TBC1D8: variants seen among roughly 807,000 people sequenced by gnomAD.
TBC1D8 encodes BUB2-like protein 1.
In TBC1D8, 65 loss-of-function variants were observed where a neutral mutation model predicts 118.8. The observed-to-expected ratio is 0.55, with a 90% CI of 0.45 to 0.67. The LOEUF is 0.67. TBC1D8 is among the 30% of genes least tolerant of loss of function. The pLI is 0.00. For missense variants in TBC1D8, 1,376 were observed against 1,471.2 expected, an observed-to-expected ratio of 0.94 and a Z score of 1.06; for synonymous variants, 566 against 595.8, an observed-to-expected ratio of 0.95 and a Z score of 0.73.
At chr2:101,080,099 A>C (rs1024711621) in intron 2 of TBC1D8, among the ~76,000 whole-genome samples, 2 of 152,192 alleles carry the variant, frequency 1.3e-5, no homozygotes, top group African/African-American at 2.4e-5. Flanking sequence ...TATAAACAAC[A>C]ACCCTAAGGG....
Position 101,011,025 on chromosome 2 carries a change from A to G in TBC1D8, c.2919T>C (p.Gly973=), listed in dbSNP as rs780275830. 1.5e-5 allele frequency: 24 copies of G among 1,610,860 alleles called. No homozygotes were observed. Among genetic ancestry groups the G allele is most frequent in the African/African-American group, 2.7e-5 (2 of 74,832 alleles). Residue 973 remains glycine (G), a splice_region_variant and synonymous_variant, in exon 19 of 20, where the codon GGT becomes GGC. Coordinates refer to ENST00000409318, the MANE Select transcript of TBC1D8 (RefSeq NM_001330348.2). The stretch of plus-strand genomic sequence containing the variant: ...GCTGTTTCTGATAATCAACTGCATC[A>G]CCTTGAAACAAAGGAAAACAATATG... The part of the protein sequence containing the change: ...SRPLVFGKPN[G]DAVDYQKQLK...
intron 1 of TBC1D8, among the ~76,000 whole-genome samples, chr2:101,149,920 C>T (rs1679479863): frequency 1.3e-5 from 2 of 152,162 alleles, no homozygotes; most frequent in South Asian, 2.1e-4. Context: ...ACCAAAGCAC[C>T]GCCTCCGTCC....
At chr2:101,118,826 G>T (rs1480125769) in intron 1 of TBC1D8, among the ~76,000 whole-genome samples, 1 of 152,054 alleles carries the variant, frequency 6.6e-6, no homozygotes, top group Non-Finnish European at 1.5e-5. Flanking sequence ...CGGGCAACAT[G>T]TTGAAACCCC....
At chr2:101,127,230 G>A (rs1429078175) in intron 1 of TBC1D8, among the ~76,000 whole-genome samples, 5 of 152,018 alleles carry the variant, frequency 3.3e-5, no homozygotes, top group Non-Finnish European at 7.4e-5. Context: ...CAGCTACTTG[G>A]GAGGCTGAGG....
chr2:101,122,934 C>T (rs1055506512), intron 1 of TBC1D8, among the ~76,000 whole-genome samples: 1 of 111,102 alleles, frequency 9.0e-6, no homozygotes, highest in Non-Finnish European at 2.2e-5. Context: ...TGGAGAAAAA[C>T]ATCAGGCCCC....
intron 11 of TBC1D8, 32 bp downstream of exon 11, chr2:101,032,236 G>C: frequency 6.3e-7 from 1 of 1,589,424 alleles, no homozygotes; most frequent in African/African-American, 1.3e-5. Context: ...CTCTTCCCCA[G>C]ATACACAGGA....
At chr2:101,046,425 G>C (rs998026025) in intron 5 of TBC1D8, among the ~76,000 whole-genome samples, 1 of 152,220 alleles carries the variant, frequency 6.6e-6, no homozygotes, top group Non-Finnish European at 1.5e-5. Flanking sequence ...CTGTCCTAGA[G>C]AGAACCACCT....
At chr2:101,013,366 T>C (rs1205886502) in intron 17 of TBC1D8, among the ~76,000 whole-genome samples, 1 of 152,260 alleles carries the variant, frequency 6.6e-6, no homozygotes. Flanking sequence ...TCAATCTTTT[T>C]ACATGAGATA....
At chr2:101,117,022 C>T (rs761054264) in intron 1 of TBC1D8, among the ~76,000 whole-genome samples, 3 of 152,192 alleles carry the variant, frequency 2.0e-5, no homozygotes, top group African/African-American at 2.4e-5. Flanking sequence ...GGTGTCATCA[C>T]GAGCAGACGG....
chr2:101,026,830 T>C (rs1284909736), intron 15 of TBC1D8, among the ~76,000 whole-genome samples: 2 of 152,218 alleles, frequency 1.3e-5, no homozygotes, highest in Non-Finnish European at 2.9e-5. Flanking sequence ...TCTCATTAAC[T>C]ATATTAAGTT....
intron 17 of TBC1D8, chr2:101,017,710 C>T: frequency 2.6e-6 from 2 of 781,668 alleles, no homozygotes; most frequent in Non-Finnish European, 4.1e-6. Context: ...TAACAGATAT[C>T]CATGGTACAT....
rs538420407 is a variant in TBC1D8 at position 101,012,724 on chromosome 2, G to A, written c.2828-1184C>T. 4.6e-5 allele frequency among the ~76,000 whole-genome samples: 7 copies of A among 152,166 alleles called. No individual in the cohort carries two copies. In the South Asian group the frequency reaches 8.3e-4, roughly 18 times the overall value. On this transcript the variant is annotated intron_variant, in intron 17 of 19. Coordinates refer to ENST00000409318, the MANE Select transcript of TBC1D8 (RefSeq NM_001330348.2). ...AAGCTGCTACAAAATAACAATTATC[G>A]GGGATGACAGGGAAGGTTCCCCATA... is the stretch of plus-strand genomic sequence containing the variant.
intron 5 of TBC1D8, among the ~76,000 whole-genome samples, chr2:101,044,043 T>A (rs1681548478): frequency 6.6e-6 from 1 of 152,228 alleles, no homozygotes; most frequent in Non-Finnish European, 1.5e-5. Context: ...AATCGGCTTC[T>A]CTCTCAGTGG....
chr2:101,144,930 T>A (rs1679259413), intron 1 of TBC1D8, among the ~76,000 whole-genome samples: 1 of 152,120 alleles, frequency 6.6e-6, no homozygotes, highest in Admixed American at 6.5e-5. Flanking sequence ...AGAGCGAGAC[T>A]CTGTCTCCAA....
intron 1 of TBC1D8, among the ~76,000 whole-genome samples, chr2:101,122,943 C>T (rs1678194602): frequency 6.6e-6 from 1 of 152,054 alleles, no homozygotes; most frequent in Non-Finnish European, 1.5e-5. Flanking sequence ...ACATCAGGCC[C>T]CGCATGTGGT....
chr2:101,047,609 T>C (rs1227375707), intron 5 of TBC1D8, among the ~76,000 whole-genome samples: 1 of 152,178 alleles, frequency 6.6e-6, no homozygotes, highest in Non-Finnish European at 1.5e-5. Context: ...GGTACATACA[T>C]GCCTTTCACT....
At chr2:101,129,759 G>T (rs747109341) in intron 1 of TBC1D8, among the ~76,000 whole-genome samples, 1 of 151,952 alleles carries the variant, frequency 6.6e-6, no homozygotes, top group Non-Finnish European at 1.5e-5. Context: ...CAAACAATTA[G>T]CTGGGCGTGG....
Position 101,050,275 on chromosome 2 carries a change from T to A in TBC1D8, c.872+126A>T, listed in dbSNP as rs115468080. 6,029 of 1,399,572 alleles carry A rather than the reference T, an allele frequency of 4.3e-3. 20 individuals are homozygous for A. The highest frequency in any genetic ancestry group is 0.021 in the Middle Eastern group (80 of 3,780). 86.7% of individuals were successfully genotyped at this position (1,399,572 alleles called of 1,614,324 possible). On this transcript the variant is annotated intron_variant, in intron 5 of 19. Transcript: ENST00000409318. ...GATTAACGACATACAAAAATCTGGA[T>A]TATGCCACAAGGGAAATTTAAATCT...
intron 4 of TBC1D8, among the ~76,000 whole-genome samples, chr2:101,053,615 C>T (rs1384171562): frequency 6.6e-6 from 1 of 152,162 alleles, no homozygotes; most frequent in East Asian, 1.9e-4. Flanking sequence ...TTGCCTAGGA[C>T]AATTCCTGCC....
Sources: allele counts gnomAD v4.1 joint callset (sites outside exome capture counted in the v4.1 genomes callset), GRCh38; gene constraint gnomAD v4.1.1; transcripts MANE v1.5; gene names NCBI Gene and HGNC (gene_info 2026-07-23, HGNC 2026-07-21).